Variants in LZTS1 observed in about 807,000 individuals in gnomAD.
The protein encoded by LZTS1 is leucine zipper putative tumor suppressor 1.
A neutral mutation model predicts 45.8 loss-of-function variants in LZTS1; 31 were observed. The observed-to-expected ratio is 0.68, with a 90% CI of 0.51 to 0.91. The LOEUF is 0.91. LZTS1 is among the 40% of genes least tolerant of loss of function. The pLI, the probability that LZTS1 is intolerant of heterozygous loss-of-function variation, is 0.00. For missense variants in LZTS1, 821 were observed against 788.9 expected, an observed-to-expected ratio of 1.04 and a Z score of -0.49; for synonymous variants, 359 against 357.3, an observed-to-expected ratio of 1.00 and a Z score of -0.05.
At chr8:20,287,270 G>T (rs1252710051) in intron 1 of LZTS1, among the ~76,000 whole-genome samples, 2 of 152,206 alleles carry the variant, frequency 1.3e-5, no homozygotes, top group African/African-American at 4.8e-5. Context: ...ACTTTACATG[G>T]AGTAAAGTCC....
chr8:20,291,360 CACA>C (rs1385218807), intron 1 of LZTS1, among the ~76,000 whole-genome samples: 1 of 152,186 alleles, frequency 6.6e-6, no homozygotes, highest in Non-Finnish European at 1.5e-5. Flanking sequence ...ATGACCCTCC[CACA>C]CAGGCAACTC....
At chr8:20,262,653 C>T (rs1800260643) in intron 1 of LZTS1, among the ~76,000 whole-genome samples, 1 of 152,148 alleles carries the variant, frequency 6.6e-6, no homozygotes, top group Admixed American at 6.5e-5. Flanking sequence ...GGTGTCAGAG[C>T]AGCAGTTCTC....
chr8:20,251,150 A>T (rs199761644), intron 3 of LZTS1, among the ~76,000 whole-genome samples: 7,176 of 76,568 alleles, frequency 0.094, 734 homozygotes, highest in Non-Finnish European at 0.13. Context: ...TATATATATA[A>T]AATATAAAGT....
intron 1 of LZTS1, among the ~76,000 whole-genome samples, chr8:20,271,385 G>T (rs1800472379): frequency 6.6e-6 from 1 of 152,144 alleles, no homozygotes; most frequent in South Asian, 2.1e-4. Context: ...CCTCTTGTTG[G>T]AAGCCCAGGG....
chr8:20,253,376 G>T lies in LZTS1; in HGVS notation c.555C>A (p.His185Gln). ...GRNSMSSLPT[H>Q]STSSSYQLDP... ...CCAGCTGGTAGCTGCTGCTGGTGCT[G>T]TGTGTGGGCAGGCTGGACATGGAGT... Residue 185 changes from histidine to glutamine, a missense_variant, in exon 3 of 4, where the codon CAC becomes CAA. Physicochemically the swap from His to Gln is conservative, Grantham distance 24. Coordinates refer to ENST00000381569, the MANE Select transcript of LZTS1 (RefSeq NM_021020.5). 1.2e-6 allele frequency: 2 copies of T among 1,613,314 alleles called. No homozygotes were observed. Among genetic ancestry groups the T allele is most frequent in the Non-Finnish European group, 1.7e-6 (2 of 1,179,584 alleles).
chr8:20,265,702 A>AAG (rs1800340689), intron 1 of LZTS1, among the ~76,000 whole-genome samples: 3 of 146,612 alleles, frequency 2.0e-5, no homozygotes, highest in Non-Finnish European at 4.5e-5. Context: ...AAAAAAAAAA[A>AAG]GGCAGGGGAG....
chr8:20,302,517 C>A (rs1398902548), intron 1 of LZTS1, among the ~76,000 whole-genome samples: 3 of 152,208 alleles, frequency 2.0e-5, no homozygotes, highest in Non-Finnish European at 4.4e-5. Flanking sequence ...TTCTCAGGGT[C>A]TTGGTGCAGG....
intron 1 of LZTS1, among the ~76,000 whole-genome samples, chr8:20,275,462 C>T (rs566099184): frequency 6.6e-6 from 1 of 151,776 alleles, no homozygotes; most frequent in African/African-American, 2.4e-5. Flanking sequence ...TTACTTCCCC[C>T]ACCCGGGAGA....
rs186872744 is a variant in LZTS1 at position 20,291,827 on chromosome 8, G to A, written c.-135+11913C>T. On this transcript the variant is annotated intron_variant, in intron 1 of 3. Coordinates refer to ENST00000381569, the MANE Select transcript of LZTS1 (RefSeq NM_021020.5). ...CTAGGATCTGAACACTGATCTATCTGATTTCCAAAATCATGGTTTTTTTTG... is the reference window on the plus strand; with the variant it reads ...CTAGGATCTGAACACTGATCTATCTAATTTCCAAAATCATGGTTTTTTTTG... Among the ~76,000 whole-genome samples, 5 of 136,422 alleles carry A rather than the reference G, an allele frequency of 3.7e-5. No homozygotes were observed. The East Asian group carries it at 8.1e-4, about 22-fold the overall frequency. 89.5% of individuals were successfully genotyped at this position (136,422 alleles called of 152,430 possible). A position where few individuals can be genotyped will look rare whatever the true frequency, so the allele number is the denominator to read the frequency against.
chr8:20,287,117 G>A (rs1162557195), intron 1 of LZTS1, among the ~76,000 whole-genome samples: 1 of 152,184 alleles, frequency 6.6e-6, no homozygotes, highest in Non-Finnish European at 1.5e-5. Context: ...AATCCTACGA[G>A]GTGGTTCTTT....
Position 20,250,358 on chromosome 8 carries a change from G to C in LZTS1, c.1155C>G (p.Cys385Trp). ...PALEETQWEV[C>W]QKSGEISLLK... ...GGAGGGAGATCTCGCCTGACTTCTG[G>C]CACACCTGCCGAGGGTGGGGTGGAG... The change falls in exon 4 of 4, where the codon TGC becomes TGG. Residue 385 changes from cysteine to tryptophan, a missense_variant. Transcript: ENST00000381569. 1 of 1,596,822 alleles carries C rather than the reference G, an allele frequency of 6.3e-7. No individual in the cohort carries two copies. Among genetic ancestry groups the C allele is most frequent in the Non-Finnish European group, 8.5e-7 (1 of 1,169,964 alleles).
At position 20,249,180 on chromosome 8, in the gene LZTS1, C is replaced by CA; in HGVS notation, c.*541dup. On this transcript the variant is annotated 3_prime_UTR_variant, in exon 4 of 4. Coordinates refer to ENST00000381569, the MANE Select transcript of LZTS1 (RefSeq NM_021020.5). ...TTCCTGTGGCTTGCCGGGGCTGGGA[C>CA]AGCCCTGAGGTTTCAAAGCCAGCTT... 1 of 153,976 alleles carries CA rather than the reference C, an allele frequency of 6.5e-6. No homozygotes were observed. Among genetic ancestry groups the CA allele is most frequent in the African/African-American group, 2.4e-5 (1 of 41,598 alleles). The allele number at this position is 153,976 out of a possible 1,614,324, so 9.5% of individuals were successfully genotyped here.
intron 1 of LZTS1, among the ~76,000 whole-genome samples, chr8:20,295,213 C>T (rs1056779548): frequency 3.9e-5 from 6 of 152,220 alleles, no homozygotes; most frequent in African/African-American, 1.2e-4. Context: ...CATGCCTGGG[C>T]ATTGGGCAAT....
chr8:20,254,496 C>G (rs909949083), intron 2 of LZTS1, among the ~76,000 whole-genome samples: 4 of 152,192 alleles, frequency 2.6e-5, no homozygotes, highest in Admixed American at 2.6e-4. Flanking sequence ...GAACAGGGCT[C>G]CCTCTCCTTC....
At chr8:20,303,361 C>A (rs894289283) in intron 1 of LZTS1, among the ~76,000 whole-genome samples, 2 of 152,310 alleles carry the variant, frequency 1.3e-5, no homozygotes, top group Admixed American at 6.5e-5. Context: ...CCTGCTCCTG[C>A]GGCCTCGCGT....
intron 1 of LZTS1, among the ~76,000 whole-genome samples, chr8:20,273,244 G>C (rs111501816): frequency 0.011 from 1,733 of 152,166 alleles, 37 homozygotes; most frequent in African/African-American, 0.04. Flanking sequence ...CTCCTGTTGC[G>C]CAGCCTGTCC....
At chr8:20,282,087 T>C (rs1800703794) in intron 1 of LZTS1, among the ~76,000 whole-genome samples, 1 of 152,200 alleles carries the variant, frequency 6.6e-6, no homozygotes, top group African/African-American at 2.4e-5. Context: ...AGACTCACTC[T>C]AGTTCTGCCT....
At chr8:20,296,484 G>A (rs958025660) in intron 1 of LZTS1, among the ~76,000 whole-genome samples, 30 of 152,220 alleles carry the variant, frequency 2.0e-4, no homozygotes, top group Admixed American at 2.0e-3. Flanking sequence ...ATGGCATCGG[G>A]GAGGGGGCTG....
intron 1 of LZTS1, among the ~76,000 whole-genome samples, chr8:20,302,076 C>G (rs1801089225): frequency 6.6e-6 from 1 of 152,162 alleles, no homozygotes; most frequent in East Asian, 1.9e-4. Context: ...CCCAGTTGCT[C>G]CATCCTATTA....
Sources: allele counts gnomAD v4.1 joint callset (sites outside exome capture counted in the v4.1 genomes callset), GRCh38; gene constraint gnomAD v4.1.1; transcripts MANE v1.5; gene names NCBI Gene and HGNC (gene_info 2026-07-23, HGNC 2026-07-21).